The following MSANTD2 variants were observed in gnomAD, a reference collection of about 807,000 sequenced individuals.
The protein encoded by MSANTD2 is myb/SANT-like DNA-binding domain-containing protein 2.
MSANTD2 carries 19 observed loss-of-function variants against 52.6 expected under a neutral mutation model. The ratio of observed to expected loss-of-function variants is 0.36; its 90% CI spans 0.25 to 0.53. The LOEUF is 0.53. Ranked by LOEUF, MSANTD2 falls within the 20% of genes least tolerant of loss-of-function variation. The pLI is 0.91. For synonymous variants in MSANTD2, 291 were observed against 289.7 expected (o/e 1.00, Z -0.04); for missense variants, 558 against 716.3 (o/e 0.78, Z 2.52).
chr11:124,772,137 C>T (rs565792453), intron 3 of MSANTD2, among the ~76,000 whole-genome samples: 1 of 152,156 alleles, frequency 6.6e-6, no homozygotes, highest in Non-Finnish European at 1.5e-5. Context: ...CCTGGACTTT[C>T]TTAGTCTTTC....
chr11:124,771,904 T>G (rs1224115934), intron 3 of MSANTD2, among the ~76,000 whole-genome samples: 1 of 152,148 alleles, frequency 6.6e-6, no homozygotes, highest in Non-Finnish European at 1.5e-5. Flanking sequence ...TGCTCCAAGG[T>G]TAACAGGTAA....
chr11:124,800,151 G>A lies in MSANTD2; in HGVS notation c.230C>T (p.Ser77Leu), dbSNP rs1298726549. 4 of 1,473,848 alleles carry A rather than the reference G, an allele frequency of 2.7e-6. No homozygotes were observed. The highest frequency in any genetic ancestry group is 2.4e-4 in the Middle Eastern group (1 of 4,208). 91.3% of individuals were successfully genotyped at this position (1,473,848 alleles called of 1,614,324 possible). The part of the protein sequence containing the change: ...GLGLGGRSAA[S>L]SSVSFSPGGG... Reference sequence around the variant, plus strand: ...ACCAGGGGAGAAGGAGACCGAGGACGAGGCGGCGCTGCGGCCCCCCAGCCC... The same window carrying A: ...ACCAGGGGAGAAGGAGACCGAGGACAAGGCGGCGCTGCGGCCCCCCAGCCC... Residue 77 changes from serine to leucine, a missense_variant, in exon 1 of 4, where the codon TCG (serine) becomes TTG (leucine). By Grantham distance (145) the Ser-to-Leu change is moderately radical. This residue lies in a region of MSANTD2 where 150 missense variants were observed against 142.7 expected (regional missense o/e 1.05). Coordinates refer to ENST00000374979, the MANE Select transcript of MSANTD2 (RefSeq NM_001308027.2). The surrounding 1 kb of genome is among the most constrained non-coding windows in gnomAD (Gnocchi z 4.3).
At chr11:124,791,686 A>G in intron 1 of MSANTD2, 1 of 1,209,422 alleles carries the variant, frequency 8.3e-7, no homozygotes, top group Non-Finnish European at 1.2e-6. Context: ...GAGACAGGCA[A>G]GGCTGTGGCT....
At chr11:124,783,727 T>A (rs528080021) in intron 1 of MSANTD2, 8 of 985,210 alleles carry the variant, frequency 8.1e-6, no homozygotes, top group African/African-American at 1.7e-5. Flanking sequence ...GTTTTCTAGG[T>A]TCCTTCATGC....
chr11:124,788,457 TGAA>T (rs1945233813), intron 1 of MSANTD2, among the ~76,000 whole-genome samples: 1 of 152,192 alleles, frequency 6.6e-6, no homozygotes, highest in Admixed American at 6.5e-5. Flanking sequence ...TATGCTGCAG[TGAA>T]GAAGTTAGAA....
chr11:124,797,043 T>C (rs1015047281), intron 1 of MSANTD2, among the ~76,000 whole-genome samples: 1 of 152,248 alleles, frequency 6.6e-6, no homozygotes, highest in African/African-American at 2.4e-5. Context: ...GTGCTGAAGA[T>C]TACATTCACA....
In MSANTD2 at chr11:124,781,652, CTTTT is replaced by C. The variant is rs571106311; in HGVS notation, c.511-6682_511-6679del. On this transcript the variant is annotated intron_variant, in intron 1 of 3. Coordinates refer to ENST00000374979, the MANE Select transcript of MSANTD2 (RefSeq NM_001308027.2). ...CTGTTCCTATTGTGATCATCAATGT[CTTTT>C]TTTTTTTTTTTTTTGAGACAGATTC... is the stretch of plus-strand genomic sequence containing the variant. Among the ~76,000 whole-genome samples the C allele has an allele frequency of 4.5e-5, 6 of 134,204 alleles. No individual in the cohort carries two copies. In the South Asian group the frequency reaches 7.0e-4, roughly 16 times the overall value. The allele number at this position is 134,204 out of a possible 152,430, so 88.0% of individuals were successfully genotyped here.
At chr11:124,792,244 G>A (rs539355507) in intron 1 of MSANTD2, 1 of 152,678 alleles carries the variant, frequency 6.5e-6, no homozygotes, top group Non-Finnish European at 1.5e-5. Context: ...AAATGACCTG[G>A]AATTGGTATG....
chr11:124,776,433 G>A lies in MSANTD2; in HGVS notation c.511-1459C>T, dbSNP rs1324858500. ...CTGCCTCAGCCTCCCAAGTAGCTGG[G>A]ATTACAGGCATGCGCCACCCTGCCC... On this transcript the variant is annotated intron_variant, in intron 1 of 3. Transcript: ENST00000374979. 2.6e-5 allele frequency among the ~76,000 whole-genome samples: 4 copies of A among 152,352 alleles called. No homozygotes were observed. In the South Asian group the frequency reaches 8.3e-4, roughly 32 times the overall value.
At chr11:124,777,528 G>A (rs916157769) in intron 1 of MSANTD2, among the ~76,000 whole-genome samples, 21 of 152,168 alleles carry the variant, frequency 1.4e-4, no homozygotes, top group African/African-American at 4.3e-4. Context: ...TACTTCACTT[G>A]GCTTATGTAA....
intron 1 of MSANTD2, among the ~76,000 whole-genome samples, chr11:124,794,873 TTTTA>T (rs1211110572): frequency 6.6e-6 from 1 of 152,104 alleles, no homozygotes; most frequent in Non-Finnish European, 1.5e-5. Context: ...CTCTTTTATC[TTTTA>T]TTTATTATTT....
At chr11:124,768,338 G>A (rs1944379981) in intron 3 of MSANTD2, among the ~76,000 whole-genome samples, 1 of 152,136 alleles carries the variant, frequency 6.6e-6, no homozygotes. Flanking sequence ...GACTTCTACA[G>A]CCTCACTGTA....
chr11:124,785,696 G>T (rs775527954), intron 1 of MSANTD2, among the ~76,000 whole-genome samples: 1 of 152,146 alleles, frequency 6.6e-6, no homozygotes, highest in Admixed American at 6.5e-5. Flanking sequence ...AGACAGCTGG[G>T]GGGGGACTAG....
chr11:124,791,658 T>C lies in MSANTD2; in HGVS notation c.510+8213A>G. On this transcript the variant is annotated intron_variant, in intron 1 of 3. Coordinates refer to ENST00000374979, the MANE Select transcript of MSANTD2 (RefSeq NM_001308027.2). ...TTCCAGACTTTCTTTGCACCAGCAT[T>C]TGGTGAGGGCATTTCTGGAGACAGG... 5 of 1,415,532 alleles carry C rather than the reference T, an allele frequency of 3.5e-6. No homozygotes were observed. The South Asian group carries it at 5.9e-5, about 17-fold the overall frequency. The allele number at this position is 1,415,532 out of a possible 1,614,324, so 87.7% of individuals were successfully genotyped here. A position where few individuals can be genotyped will look rare whatever the true frequency, so the allele number is the denominator to read the frequency against.
chr11:124,767,055 A>G lies in MSANTD2; in HGVS notation c.*121T>C, dbSNP rs927094642. 6.7e-5 allele frequency: 70 copies of G among 1,038,434 alleles called. No individual in the cohort carries two copies. The highest frequency in any genetic ancestry group is 6.5e-4 in the Middle Eastern group (2 of 3,098). The allele number at this position is 1,038,434 out of a possible 1,614,324, so 64.3% of individuals were successfully genotyped here. A position where few individuals can be genotyped will look rare whatever the true frequency, so the allele number is the denominator to read the frequency against. The stretch of plus-strand genomic sequence containing the variant: ...ATTCCTTAGAAGTCGTACTGGCCCA[A>G]TTGAAGAAAGGGTTTCCATGAAGAG... On this transcript the variant is annotated 3_prime_UTR_variant, in exon 4 of 4. Coordinates refer to ENST00000374979, the MANE Select transcript of MSANTD2 (RefSeq NM_001308027.2). This position sits in a 1 kb window ranked among gnomAD's most constrained non-coding sequence, Gnocchi z 6.5.
At position 124,792,878 on chromosome 11, in the gene MSANTD2, C is replaced by G. The variant is rs780819548; in HGVS notation, c.510+6993G>C. Reference sequence around the variant, plus strand: ...GCAAAATATCTAAATCCCCTCCCCCCCTCCAGATACCTGAACTTTAGCCAA... The same window carrying G: ...GCAAAATATCTAAATCCCCTCCCCCGCTCCAGATACCTGAACTTTAGCCAA... On this transcript the variant is annotated intron_variant, in intron 1 of 3. Transcript: ENST00000374979. 30 of 152,308 alleles carry G rather than the reference C, an allele frequency of 2.0e-4. No individual in the cohort carries two copies. In the East Asian group the frequency reaches 2.1e-3, roughly 11 times the overall value. 9.4% of individuals were successfully genotyped at this position (152,308 alleles called of 1,614,324 possible). A position where few individuals can be genotyped will look rare whatever the true frequency, so the allele number is the denominator to read the frequency against.
At chr11:124,784,045 A>C (rs1224071940) in intron 1 of MSANTD2, 1 of 985,220 alleles carries the variant, frequency 1.0e-6, no homozygotes, top group African/African-American at 1.7e-5. Context: ...CAGGTCAAAA[A>C]AGTAGGGTAT....
At chr11:124,792,247 T>C (rs1258789684) in intron 1 of MSANTD2, 1 of 152,810 alleles carries the variant, frequency 6.5e-6, no homozygotes, top group African/African-American at 2.4e-5. Flanking sequence ...TGACCTGGAA[T>C]TGGTATGTTC....
chr11:124,799,722 G>A lies in MSANTD2; in HGVS notation c.510+149C>T, dbSNP rs540279518. ...CATCTGGGAAAAAGCCCCCTTCCCA[G>A]GGAGAGAAGAAAAAGGCGGAGGAGA... is the stretch of plus-strand genomic sequence containing the variant. On this transcript the variant is annotated intron_variant, in intron 1 of 3. Coordinates refer to ENST00000374979, the MANE Select transcript of MSANTD2 (RefSeq NM_001308027.2). 41 of 596,864 alleles carry A rather than the reference G, an allele frequency of 6.9e-5. 2 individuals carry two copies. In the South Asian group the frequency reaches 7.6e-4, roughly 11 times the overall value. 37.0% of individuals were successfully genotyped at this position (596,864 alleles called of 1,614,324 possible). A position where few individuals can be genotyped will look rare whatever the true frequency, so the allele number is the denominator to read the frequency against.
Sources: allele counts gnomAD v4.1 joint callset (sites outside exome capture counted in the v4.1 genomes callset), GRCh38; gene constraint gnomAD v4.1.1; regional missense constraint gnomAD v4.1.1; non-coding constraint Gnocchi (gnomAD v3.1); transcripts MANE v1.5; gene names NCBI Gene and HGNC (gene_info 2026-07-23, HGNC 2026-07-21).